ABL2: variants seen among roughly 807,000 people sequenced by gnomAD.
ABL2 encodes the protein tyrosine-protein kinase ABL2.
ABL2 carries 49 observed loss-of-function variants against 107.7 expected under a neutral mutation model. The observed-to-expected ratio is 0.45, with a 90% confidence interval of 0.36 to 0.58. The LOEUF (loss-of-function observed/expected upper bound fraction) is 0.58, where lower values mean the gene tolerates loss of function less well. ABL2 is among the 20% of genes least tolerant of loss of function. The pLI is 0.00. For missense variants in ABL2, 1,245 were observed against 1,457.0 expected (o/e 0.85, Z 2.37); for synonymous variants, 549 against 548.6 (o/e 1.00, Z -0.01).
chr1:179,148,806 A>C (rs1658182329), intron 1 of ABL2, among the ~76,000 whole-genome samples: 1 of 151,644 alleles, frequency 6.6e-6, no homozygotes, highest in Non-Finnish European at 1.5e-5. Flanking sequence ...AGGCTGAGGC[A>C]GTAGAATTGC....
At chr1:179,131,156 T>C (rs2486998) in intron 3 of ABL2, 155 bp downstream of exon 3, 286,835 of 596,470 alleles carry the variant, frequency 0.48, 70,036 homozygotes, top group Admixed American at 0.55. Flanking sequence ...GTTGGCCAGG[T>C]TGGTCTCAAA....
At chr1:179,185,322 A>G (rs12120194) in intron 1 of ABL2, among the ~76,000 whole-genome samples, 14,371 of 152,192 alleles carry the variant, frequency 0.094, 713 homozygotes, top group African/African-American at 0.12. Flanking sequence ...TTAAGGTAAT[A>G]CTTTTAAAAT....
At chr1:179,213,601 A>C (rs1662404476) in intron 1 of ABL2, among the ~76,000 whole-genome samples, 2 of 151,978 alleles carry the variant, frequency 1.3e-5, no homozygotes, top group Non-Finnish European at 2.9e-5. Context: ...ACTCCTGGCC[A>C]ATACTTCTCA....
intron 1 of ABL2, among the ~76,000 whole-genome samples, chr1:179,145,958 A>C (rs1242338014): frequency 6.8e-6 from 1 of 146,080 alleles, no homozygotes; most frequent in African/African-American, 2.6e-5. Flanking sequence ...CAGTGGCGTG[A>C]TCTTGGCTCA....
intron 1 of ABL2, among the ~76,000 whole-genome samples, chr1:179,207,610 C>G (rs956273220): frequency 1.9e-4 from 29 of 152,110 alleles, no homozygotes; most frequent in African/African-American, 6.8e-4. Context: ...TGTAATAATT[C>G]CTTAATTCTC....
chr1:179,155,518 T>C (rs915672543), intron 1 of ABL2, among the ~76,000 whole-genome samples: 2 of 151,932 alleles, frequency 1.3e-5, no homozygotes, highest in Admixed American at 1.3e-4. Flanking sequence ...CTACCTGAGA[T>C]CAAGAGTTTG....
intron 1 of ABL2, among the ~76,000 whole-genome samples, chr1:179,216,706 G>T (rs1199897279): frequency 2.0e-5 from 3 of 151,612 alleles, no homozygotes; most frequent in Admixed American, 6.6e-5. Flanking sequence ...ATATCATGTG[G>T]TTACACAGAT....
Position 179,135,425 on chromosome 1 carries a change from G to A in ABL2, c.158-2051C>T, listed in dbSNP as rs1483809645. Among the ~76,000 whole-genome samples the A allele has an allele frequency of 1.3e-4, 19 of 143,034 alleles. 1 individual carries two copies. Among genetic ancestry groups the A allele is most frequent in the Admixed American group, 7.6e-4 (11 of 14,450 alleles). 93.8% of individuals were successfully genotyped at this position (143,034 alleles called of 152,430 possible). On this transcript the variant is annotated intron_variant, in intron 1 of 11. Coordinates refer to ENST00000502732, the MANE Select transcript of ABL2 (RefSeq NM_007314.4). ...AGAAGCGTCTCTGCCCGGCCGCCCC[G>A]TCTGAGAAGTGAGGAGACCCTCCGC... is the stretch of plus-strand genomic sequence containing the variant.
intron 1 of ABL2, among the ~76,000 whole-genome samples, chr1:179,140,641 C>T (rs1054496075): frequency 6.6e-6 from 1 of 152,190 alleles, no homozygotes; most frequent in African/African-American, 2.4e-5. Context: ...ACTATGTATA[C>T]ATCCTTACTC....
intron 1 of ABL2, among the ~76,000 whole-genome samples, chr1:179,168,719 C>T (rs1243579196): frequency 1.3e-5 from 2 of 152,146 alleles, no homozygotes; most frequent in Admixed American, 6.6e-5. Context: ...ACATGACCCT[C>T]GTGCTATCCC....
In ABL2 at chr1:179,121,610, A is replaced by T. The variant is rs1437618563; in HGVS notation, c.945T>A (p.Ala315=). The T allele has an allele frequency of 6.2e-7, 1 of 1,612,886 alleles. No homozygotes were observed. The highest frequency in any genetic ancestry group is 1.3e-5 in the African/African-American group (1 of 75,054). Residue 315 remains alanine, a synonymous_variant, in exon 5 of 12, where the codon GCT becomes GCA. Transcript: ENST00000502732. ...AGCAACCCACCTTCAATGTTTTCAC[A>T]GCAACTGTAAGGCTGTATTTCTTCC... ...GVWKKYSLTV[A]VKTLKEDTME... is the part of the protein sequence containing the mutation.
At chr1:179,136,106 C>T (rs1572677901) in intron 1 of ABL2, among the ~76,000 whole-genome samples, 2 of 149,938 alleles carry the variant, frequency 1.3e-5, no homozygotes, top group Non-Finnish European at 1.5e-5. Context: ...GCCCCCCGTC[C>T]GGCCAGCCAC....
chr1:179,182,526 A>G (rs1660438436), intron 1 of ABL2, among the ~76,000 whole-genome samples: 1 of 152,146 alleles, frequency 6.6e-6, no homozygotes, highest in Non-Finnish European at 1.5e-5. Flanking sequence ...AGCATATTTG[A>G]CTTTCTGTTT....
At chr1:179,194,027 T>C (rs556683037) in intron 1 of ABL2, among the ~76,000 whole-genome samples, 17 of 152,278 alleles carry the variant, frequency 1.1e-4, no homozygotes, top group Admixed American at 2.6e-4. Context: ...TATCCCCTAG[T>C]GGACTGGTGA....
At position 179,126,705 on chromosome 1, in the gene ABL2, C is replaced by A; in HGVS notation, c.392-33G>T. On this transcript the variant is annotated intron_variant, in intron 3 of 11. Transcript: ENST00000502732. This position sits in a 1 kb window ranked among gnomAD's most constrained non-coding sequence, Gnocchi z 4.4. Reference sequence around the variant, plus strand: ...TAAGGTCATCACAGGATGAAAGAAACGATGTTAAGACTTTATTTCAACTGA... The same window carrying A: ...TAAGGTCATCACAGGATGAAAGAAAAGATGTTAAGACTTTATTTCAACTGA... 1 of 1,568,000 alleles carries A rather than the reference C, an allele frequency of 6.4e-7. No homozygotes were observed. The highest frequency in any genetic ancestry group is 8.7e-7 in the Non-Finnish European group (1 of 1,148,398).
chr1:179,200,694 T>A (rs547646372), intron 1 of ABL2, among the ~76,000 whole-genome samples: 46 of 152,324 alleles, frequency 3.0e-4, no homozygotes, highest in Admixed American at 7.8e-4. Context: ...TTGGAAATCT[T>A]CAAGAACACC....
At chr1:179,139,373 C>T (rs1302520106) in intron 1 of ABL2, among the ~76,000 whole-genome samples, 1 of 152,082 alleles carries the variant, frequency 6.6e-6, no homozygotes, top group Non-Finnish European at 1.5e-5. Flanking sequence ...AGACCACGAA[C>T]TCACCAGAAG....
rs549095333 is a variant in ABL2, at chr1:179,157,421, C to T, written c.158-24047G>A. Among the ~76,000 whole-genome samples, 410 of 151,720 alleles carry T rather than the reference C, an allele frequency of 2.7e-3. 3 individuals are homozygous for T. The highest frequency in any genetic ancestry group is 9.4e-3 in the African/African-American group (391 of 41,380). On this transcript the variant is annotated intron_variant, in intron 1 of 11. Coordinates refer to ENST00000502732, the MANE Select transcript of ABL2 (RefSeq NM_007314.4). ...CTGAGGCAGGAAAATCACTTGAACC[C>T]GGGAGGCGGAGGTTGCAGTGAGCCA...
At chr1:179,222,028 TC>T (rs1361774232) in intron 1 of ABL2, 1 of 198,662 alleles carries the variant, frequency 5.0e-6, no homozygotes, top group Non-Finnish European at 1.2e-5. Context: ...CATTCAGATG[TC>T]TGTCAATTTG....
Sources: gnomAD v4.1 joint callset for allele counts (sites outside exome capture counted in the v4.1 genomes callset) on GRCh38, gnomAD v4.1.1 for gene constraint, Gnocchi (gnomAD v3.1) non-coding constraint, MANE v1.5 for transcripts, NCBI Gene and HGNC (gene_info 2026-07-23, HGNC 2026-07-21) for gene names.